Variants in COL11A2 observed in about 807,000 individuals in gnomAD.
COL11A2 encodes collagen alpha-2(XI) chain.
A neutral mutation model predicts 273.4 loss-of-function variants in COL11A2; 116 were observed. The ratio of observed to expected loss-of-function variants is 0.42; its 90% CI spans 0.36 to 0.49. COL11A2 has a LOEUF of 0.49. Among genes scored for constraint, COL11A2 ranks in the 20% least tolerant of loss-of-function variants. The probability of loss-of-function intolerance (pLI) is 0.00; values close to 1 mark genes in which losing one functional copy is unlikely to be tolerated. For missense variants in COL11A2, 1,866 were observed against 2,309.0 expected, an observed-to-expected ratio of 0.81 and a Z score of 3.93; for synonymous variants, 782 against 864.2, an observed-to-expected ratio of 0.90 and a Z score of 1.67.
chr6:33,188,581 A>G, intron 3 of COL11A2, 57 bp from the exon 4 acceptor site: 1 of 1,604,932 alleles, frequency 6.2e-7, no homozygotes, highest in Admixed American at 1.7e-5. Flanking sequence ...TAGGGGAGTC[A>G]ACATGGTTGG....
intron 40 of COL11A2, 53 bp downstream of exon 40, chr6:33,172,236 G>GGGGGGC: frequency 6.7e-7 from 1 of 1,481,696 alleles, no homozygotes; most frequent in Non-Finnish European, 9.4e-7. Context: ...TCGGGGTGGG[G>GGGGGGC]ACTCAGGATG....
intron 43 of COL11A2, 50 bp from the exon 44 acceptor site, chr6:33,171,374 G>A (rs1375004390): frequency 6.2e-7 from 1 of 1,612,378 alleles, no homozygotes; most frequent in Non-Finnish European, 8.5e-7. Flanking sequence ...TGGGTAGAGT[G>A]GGAAGGATGA....
chr6:33,170,469 G>C lies in COL11A2; in HGVS notation c.3528+88C>G. The stretch of plus-strand genomic sequence containing the variant: ...GAGAGGAGGAGGAGCAGCCAGGCCA[G>C]GGAGTTGGCAGTGGGGTGTGGGGTG... On this transcript the variant is annotated intron_variant, in intron 47 of 65. Coordinates refer to ENST00000341947, the MANE Select transcript of COL11A2 (RefSeq NM_080680.3). The surrounding 1 kb of genome is among the most constrained non-coding windows in gnomAD (Gnocchi z 4.3). 1 of 1,576,434 alleles carries C rather than the reference G, an allele frequency of 6.3e-7. No individual in the cohort carries two copies. The highest frequency in any genetic ancestry group is 8.7e-7 in the Non-Finnish European group (1 of 1,150,690).
intron 8 of COL11A2, among the ~76,000 whole-genome samples, chr6:33,181,424 A>C (rs1338390521): frequency 1.3e-5 from 2 of 151,844 alleles, no homozygotes; most frequent in Non-Finnish European, 2.9e-5. Flanking sequence ...TCTCCCTGAG[A>C]GCCTCTTTCA....
At chr6:33,168,455 C>T in intron 54 of COL11A2, 64 bp downstream of exon 54, 2 of 1,581,520 alleles carry the variant, frequency 1.3e-6, no homozygotes, top group Non-Finnish European at 1.7e-6. Flanking sequence ...CCTGCCATTG[C>T]CCAGCCTCCA....
chr6:33,184,863 A>T (rs1284283769), intron 7 of COL11A2, 129 bp downstream of exon 7: 1 of 756,526 alleles, frequency 1.3e-6, no homozygotes, highest in African/African-American at 1.7e-5. Flanking sequence ...GACAGAGGCC[A>T]TCGATGGAAA....
Position 33,173,824 on chromosome 6 carries a change from T to G in COL11A2, c.2583+49A>C, listed in dbSNP as rs750215025. 1.2e-6 allele frequency: 2 copies of G among 1,612,086 alleles called. No homozygotes were observed. Among genetic ancestry groups the G allele is most frequent in the Non-Finnish European group, 1.7e-6 (2 of 1,178,472 alleles). ...CGAGGTCAGGATGTTGAGGGAGAGC[T>G]GGGGCTGAGTGGGCAGGGGGCAGTT... is the stretch of plus-strand genomic sequence containing the variant. On this transcript the variant is annotated intron_variant, in intron 34 of 65. Transcript: ENST00000341947. The surrounding 1 kb of genome is among the most constrained non-coding windows in gnomAD (Gnocchi z 6.3).
chr6:33,172,188 G>A lies in COL11A2; in HGVS notation c.2989-85C>T, dbSNP rs372035085. ...AGAGGGAAGACAGGCTCCAAAAGAT[G>A]GAAGTGGGGAGTGACATGGAGGGGG... On this transcript the variant is annotated intron_variant, in intron 40 of 65. Transcript: ENST00000341947. The A allele has an allele frequency of 2.1e-5, 33 of 1,589,654 alleles. No homozygotes were observed. The African/African-American group carries it at 3.6e-4, about 17-fold the overall frequency.
Position 33,179,102 on chromosome 6 carries a change from T to C in COL11A2, c.1582A>G (p.Thr528Ala), listed in dbSNP as rs1771341880. Residue 528 changes from threonine (T) to alanine (A), a missense_variant, in exon 16 of 66, where the codon ACA (threonine) becomes GCA (alanine). Physicochemically the swap from Thr to Ala is moderately conservative, Grantham distance 58 (BLOSUM62 0). Transcript: ENST00000341947. This position sits in a 1 kb window ranked among gnomAD's most constrained non-coding sequence, Gnocchi z 6.4. ...PQGPRGPQGLTGPPGKAGRRG... is the reference protein window; with the variant it reads ...PQGPRGPQGLAGPPGKAGRRG... ...CGCCCAGCCTTGCCAGGAGGGCCTGTGAGGCCCTGAGGTCCTCTGGGGCCC... is the reference window on the plus strand; with the variant it reads ...CGCCCAGCCTTGCCAGGAGGGCCTGCGAGGCCCTGAGGTCCTCTGGGGCCC... 6.2e-7 allele frequency: 1 copy of C among 1,613,606 alleles called. No homozygotes were observed.
At position 33,168,490 on chromosome 6, in the gene COL11A2, C is replaced by A. The variant is rs759551448; in HGVS notation, c.3960+29G>T. The A allele has an allele frequency of 1.9e-6, 3 of 1,613,140 alleles. No homozygotes were observed. In the East Asian group the frequency reaches 6.7e-5, roughly 36 times the overall value. On this transcript the variant is annotated intron_variant, in intron 54 of 65. Transcript: ENST00000341947. ...ACCCACACAGCCCAGGGACTGCCTCCCAAGGTCTCAGGGGTCCACCTCACT... is the reference window on the plus strand; with the variant it reads ...ACCCACACAGCCCAGGGACTGCCTCACAAGGTCTCAGGGGTCCACCTCACT...
Position 33,177,209 on chromosome 6 carries a change from T to C in COL11A2, c.1988A>G (p.Gln663Arg). 6.2e-7 allele frequency: 1 copy of C among 1,613,060 alleles called. No individual in the cohort carries two copies. Among genetic ancestry groups the C allele is most frequent in the Non-Finnish European group, 8.5e-7 (1 of 1,180,004 alleles). The change falls in exon 24 of 66, where the codon CAG becomes CGG. Residue 663 changes from glutamine to arginine, a missense_variant. Physicochemically the swap from Gln to Arg is conservative, Grantham distance 43. Transcript: ENST00000341947. This position sits in a 1 kb window ranked among gnomAD's most constrained non-coding sequence, Gnocchi z 5.9. Reference protein sequence around the residue: ...TPGTQGLPGPQGAIGPHGEKG... With the variant: ...TPGTQGLPGPRGAIGPHGEKG... ...CTCTCCATGAGGGCCGATGGCACCC[T>C]GGGGCCCGGGAAGACCCTACATACA...
rs1213737107 is a variant in COL11A2 at position 33,168,698 on chromosome 6, G to A, written c.3906+8C>T. On this transcript the variant is annotated splice_region_variant and intron_variant, in intron 53 of 65. Coordinates refer to ENST00000341947, the MANE Select transcript of COL11A2 (RefSeq NM_080680.3). ...CTCAGGGGGGTGGTGGGGTCACCAG[G>A]CACTCACAGGCTGTCCTGGCTCACC... 6.3e-7 allele frequency: 1 copy of A among 1,590,168 alleles called. No homozygotes were observed. Among genetic ancestry groups the A allele is most frequent in the African/African-American group, 1.3e-5 (1 of 74,300 alleles).
Position 33,163,879 on chromosome 6 carries a change from C to T in COL11A2, c.5071-61G>A. 1 of 1,612,208 alleles carries T rather than the reference C, an allele frequency of 6.2e-7. No individual in the cohort carries two copies. Among genetic ancestry groups the T allele is most frequent in the Non-Finnish European group, 8.5e-7 (1 of 1,179,412 alleles). ...ATGGAGGCACCCCCCACCCTCTAAC[C>T]TCAGGCCCAGGCTCACCTCTCCTCT... is the stretch of plus-strand genomic sequence containing the variant. On this transcript the variant is annotated intron_variant, in intron 65 of 65. Transcript: ENST00000341947. This position sits in a 1 kb window ranked among gnomAD's most constrained non-coding sequence, Gnocchi z 4.1.
chr6:33,174,398 A>G (rs1336266589), intron 31 of COL11A2, 129 bp downstream of exon 31: 2 of 1,393,176 alleles, frequency 1.4e-6, no homozygotes, highest in Non-Finnish European at 2.0e-6. Context: ...TCATCTGTAA[A>G]ATGGGGGTCA....
rs1028082518 is a variant in COL11A2 at position 33,190,925 on chromosome 6, G to GC, written c.82+1233dup. On this transcript the variant is annotated intron_variant, in intron 1 of 65. Transcript: ENST00000341947. The surrounding 1 kb of genome is among the most constrained non-coding windows in gnomAD (Gnocchi z 4.5). ...TCTTCCCACACCAGGCCACATACTT[G>GC]CCCCCCTGTATCCAGCCTCATCTGC... Among the ~76,000 whole-genome samples the GC allele has an allele frequency of 2.6e-5, 4 of 151,836 alleles. No individual in the cohort carries two copies. Among genetic ancestry groups the GC allele is most frequent in the African/African-American group, 9.7e-5 (4 of 41,286 alleles).
At position 33,178,025 on chromosome 6, in the gene COL11A2, T is replaced by G; in HGVS notation, c.1872+107A>C. Reference sequence around the variant, plus strand: ...CAGAGCAGGGGGAGCTCACAGGGAATGGGAAGCATGCCGAGAGAGGAGAGG... The same window carrying G: ...CAGAGCAGGGGGAGCTCACAGGGAAGGGGAAGCATGCCGAGAGAGGAGAGG... On this transcript the variant is annotated intron_variant, in intron 21 of 65. Transcript: ENST00000341947. The surrounding 1 kb of genome is among the most constrained non-coding windows in gnomAD (Gnocchi z 4.6). 5 of 1,198,840 alleles carry G rather than the reference T, an allele frequency of 4.2e-6. No individual in the cohort carries two copies. The South Asian group carries it at 5.6e-5, about 13-fold the overall frequency. The allele number at this position is 1,198,840 out of a possible 1,614,324, so 74.3% of individuals were successfully genotyped here. A position where few individuals can be genotyped will look rare whatever the true frequency, so the allele number is the denominator to read the frequency against.
rs1175871385 is a variant in COL11A2 at position 33,178,485 on chromosome 6, C to G, written c.1723G>C (p.Asp575His). 6.2e-7 allele frequency: 1 copy of G among 1,612,932 alleles called. No individual in the cohort carries two copies. Residue 575 changes from aspartate (D) to histidine (H), a missense_variant, in exon 19 of 66, where the codon GAT becomes CAT. Transcript: ENST00000341947. This position sits in a 1 kb window ranked among gnomAD's most constrained non-coding sequence, Gnocchi z 4.6. ...GLPGEKGHRG[D>H]TGAQGLPGPP... ...CCAGGAAGGCCCTGGGCACCAGTAT[C>G]ACCCTGCAAAATGGGGGAACTCATA...
At chr6:33,174,405 G>T in intron 31 of COL11A2, 122 bp downstream of exon 31, 1 of 1,402,852 alleles carries the variant, frequency 7.1e-7, no homozygotes, top group Non-Finnish European at 9.9e-7. Context: ...TAAAATGGGG[G>T]TCAGCTAAAT....
rs191001118 is a variant in COL11A2 at position 33,163,551 on chromosome 6, G to A, written c.*127C>T. The A allele has an allele frequency of 1.6e-5, 23 of 1,478,696 alleles. 1 individual carries two copies. The Admixed American group carries it at 2.9e-4, about 19-fold the overall frequency. The allele number at this position is 1,478,696 out of a possible 1,614,324, so 91.6% of individuals were successfully genotyped here. On this transcript the variant is annotated 3_prime_UTR_variant, in exon 66 of 66. Transcript: ENST00000341947. The surrounding 1 kb of genome is among the most constrained non-coding windows in gnomAD (Gnocchi z 4.1). The stretch of plus-strand genomic sequence containing the variant: ...CTCCCCTGGCCTGCCCCGACTGAGG[G>A]CTCTCCACGCCCTGGCCCAGGGCTC...
Sources: allele counts gnomAD v4.1 joint callset (sites outside exome capture counted in the v4.1 genomes callset), GRCh38; gene constraint gnomAD v4.1.1; non-coding constraint Gnocchi (gnomAD v3.1); transcripts MANE v1.5; gene names NCBI Gene and HGNC (gene_info 2026-07-23, HGNC 2026-07-21).